Variants in SLC9A9 observed in about 807,000 individuals in gnomAD.
The protein encoded by SLC9A9 is solute carrier family 9 member A9.
SLC9A9 carries 62 observed loss-of-function variants against 77.8 expected under a neutral mutation model. The ratio of observed to expected loss-of-function variants is 0.80; its 90% CI spans 0.65 to 0.98. SLC9A9 has a LOEUF of 0.98. Ranked by LOEUF, SLC9A9 falls within the 50% of genes least tolerant of loss-of-function variation. The probability of loss-of-function intolerance (pLI) is 0.00; values close to 1 mark genes in which losing one functional copy is unlikely to be tolerated. For missense variants in SLC9A9, 775 were observed against 774.9 expected, an observed-to-expected ratio of 1.00 and a Z score of 0.00; for synonymous variants, 320 against 283.5, an observed-to-expected ratio of 1.13 and a Z score of -1.29.
At chr3:143,724,165 T>C (rs1221282999) in intron 4 of SLC9A9, among the ~76,000 whole-genome samples, 1 of 152,202 alleles carries the variant, frequency 6.6e-6, no homozygotes, top group Non-Finnish European at 1.5e-5. Context: ...GATTGGATTA[T>C]GGAGGTGGAT....
chr3:143,446,342 C>G (rs1161407346), intron 12 of SLC9A9, among the ~76,000 whole-genome samples: 1 of 152,006 alleles, frequency 6.6e-6, no homozygotes, highest in Non-Finnish European at 1.5e-5. Flanking sequence ...AAGTTATCTT[C>G]TGACTGTTTC....
At chr3:143,354,258 C>T (rs1469738805) in intron 14 of SLC9A9, among the ~76,000 whole-genome samples, 1 of 152,216 alleles carries the variant, frequency 6.6e-6, no homozygotes. Context: ...CACTTTCTCA[C>T]ATGACTGGAA....
chr3:143,551,561 G>A (rs1321318959), intron 9 of SLC9A9, among the ~76,000 whole-genome samples: 1 of 152,160 alleles, frequency 6.6e-6, no homozygotes, highest in African/African-American at 2.4e-5. Flanking sequence ...TCTTTACCTA[G>A]TTAACTTCTA....
intron 5 of SLC9A9, among the ~76,000 whole-genome samples, chr3:143,676,603 G>A (rs910989595): frequency 1.4e-4 from 21 of 152,126 alleles, no homozygotes; most frequent in African/African-American, 4.1e-4. Context: ...TGGGCGTGGC[G>A]GCGTGTGTCT....
chr3:143,694,194 C>T (rs559922558), intron 4 of SLC9A9, among the ~76,000 whole-genome samples: 1 of 151,994 alleles, frequency 6.6e-6, no homozygotes, highest in South Asian at 2.1e-4. Context: ...AGGTTTTGGG[C>T]ATAGCTAAAA....
chr3:143,798,463 C>G (rs896142644), intron 2 of SLC9A9, among the ~76,000 whole-genome samples: 5 of 152,178 alleles, frequency 3.3e-5, no homozygotes, highest in African/African-American at 1.2e-4. Flanking sequence ...ACACCCTTCT[C>G]CATGTCTCTA....
chr3:143,668,512 C>A (rs1576647093), intron 5 of SLC9A9, among the ~76,000 whole-genome samples: 1 of 152,006 alleles, frequency 6.6e-6, no homozygotes, highest in Admixed American at 6.6e-5. Context: ...AAGAAAGTAG[C>A]ATTTTAAAAA....
chr3:143,639,233 G>C (rs953155539), intron 6 of SLC9A9, among the ~76,000 whole-genome samples: 2 of 152,174 alleles, frequency 1.3e-5, no homozygotes, highest in African/African-American at 4.8e-5. Context: ...TGACCCAAAA[G>C]CTTAGTATGC....
intron 6 of SLC9A9, among the ~76,000 whole-genome samples, chr3:143,646,919 T>C (rs1378464686): frequency 6.6e-6 from 1 of 152,250 alleles, no homozygotes; most frequent in Admixed American, 6.5e-5. Context: ...GTTGGTTTAA[T>C]TTGTTTTACT....
chr3:143,808,371 A>G (rs753480227), intron 2 of SLC9A9, among the ~76,000 whole-genome samples: 24 of 152,222 alleles, frequency 1.6e-4, no homozygotes, highest in Non-Finnish European at 3.4e-4. Context: ...TGCTCATCCT[A>G]TATTTAAAAC....
chr3:143,647,984 C>T (rs576148641), intron 6 of SLC9A9, among the ~76,000 whole-genome samples: 218 of 152,216 alleles, frequency 1.4e-3, no homozygotes, highest in African/African-American at 5.1e-3. Flanking sequence ...TCACTAGAAG[C>T]AGACTTATCT....
chr3:143,449,917 C>CATGTATATATATTATAATATACATTAT (rs2034960357), intron 12 of SLC9A9, among the ~76,000 whole-genome samples: 1 of 77,000 alleles, frequency 1.3e-5, no homozygotes, highest in Non-Finnish European at 2.2e-5. Context: ...TATAATATTA[C>CATGTATATATATTATAATATACATTAT]ATAATATATA....
At chr3:143,555,152 T>G (rs1304608036) in intron 8 of SLC9A9, among the ~76,000 whole-genome samples, 2 of 152,166 alleles carry the variant, frequency 1.3e-5, no homozygotes, top group African/African-American at 4.8e-5. Context: ...GTTCTCTTGG[T>G]AGTGAATAAG....
intron 12 of SLC9A9, among the ~76,000 whole-genome samples, chr3:143,393,118 C>G (rs144132278): frequency 0.032 from 4,871 of 152,290 alleles, 278 homozygotes; most frequent in African/African-American, 0.11. Flanking sequence ...ACAGAACTCT[C>G]CACCTCAAAA....
At chr3:143,390,518 C>A (rs546358211) in intron 12 of SLC9A9, among the ~76,000 whole-genome samples, 2 of 152,202 alleles carry the variant, frequency 1.3e-5, no homozygotes, top group Non-Finnish European at 2.9e-5. Flanking sequence ...CAGCTCCCAG[C>A]ATGAGCAACG....
chr3:143,796,097 C>G (rs78198381), intron 3 of SLC9A9, among the ~76,000 whole-genome samples: 1 of 152,158 alleles, frequency 6.6e-6, no homozygotes, highest in Non-Finnish European at 1.5e-5. Flanking sequence ...TCAAAAACCA[C>G]GTGGGCTGGA....
At position 143,726,144 on chromosome 3, in the gene SLC9A9, G is replaced by A. The variant is rs368517895; in HGVS notation, c.534-32837C>T. Among the ~76,000 whole-genome samples, 103 of 150,968 alleles carry A rather than the reference G, an allele frequency of 6.8e-4. 1 individual carries two copies. The highest frequency in any genetic ancestry group is 2.5e-3 in the African/African-American group (101 of 41,158). On this transcript the variant is annotated intron_variant, in intron 4 of 15. Transcript: ENST00000316549. Reference sequence around the variant, plus strand: ...TTAAAAAAAAATACTTAGGTGATAGGTTGGTCTGTGCAGTAAACCACCATG... The same window carrying A: ...TTAAAAAAAAATACTTAGGTGATAGATTGGTCTGTGCAGTAAACCACCATG...
At chr3:143,572,283 A>G (rs1227254082) in intron 8 of SLC9A9, among the ~76,000 whole-genome samples, 1 of 150,248 alleles carries the variant, frequency 6.7e-6, no homozygotes, top group Non-Finnish European at 1.5e-5. Context: ...CAAATTGACA[A>G]TTCTTAGGCA....
At chr3:143,452,187 G>T (rs964846274) in intron 12 of SLC9A9, among the ~76,000 whole-genome samples, 3 of 151,946 alleles carry the variant, frequency 2.0e-5, no homozygotes, top group Non-Finnish European at 2.9e-5. Context: ...AATTACAAAG[G>T]TAAAAATATA....
Sources: gnomAD v4.1 joint callset for allele counts (sites outside exome capture counted in the v4.1 genomes callset) on GRCh38, gnomAD v4.1.1 for gene constraint, MANE v1.5 for transcripts, NCBI Gene and HGNC (gene_info 2026-07-23, HGNC 2026-07-21) for gene names.